The following DDX10 variants were observed in gnomAD, a reference collection of about 807,000 sequenced individuals.
The protein encoded by DDX10 is probable ATP-dependent RNA helicase DDX10.
Under a neutral mutation model 104.3 loss-of-function variants are expected in DDX10, and 74 were observed. That is an observed-to-expected ratio of 0.71 (90% CI 0.59 to 0.86). The LOEUF is 0.86. Ranked by LOEUF, DDX10 falls within the 40% of genes least tolerant of loss-of-function variation. DDX10 has a pLI of 0.00. For synonymous variants in DDX10, 351 were observed against 353.4 expected (o/e 0.99, Z 0.08); for missense variants, 952 against 1,040.0 (o/e 0.92, Z 1.16).
At chr11:108,737,852 C>G (rs2134491887) in intron 13 of DDX10, among the ~76,000 whole-genome samples, 1 of 152,202 alleles carries the variant, frequency 6.6e-6, no homozygotes, top group East Asian at 1.9e-4. Context: ...ATTAAAATGG[C>G]CTATTTCCTA....
chr11:108,845,659 T>C (rs1005129865), intron 15 of DDX10, among the ~76,000 whole-genome samples: 5 of 152,124 alleles, frequency 3.3e-5, no homozygotes, highest in Admixed American at 6.5e-5. Flanking sequence ...GAATTTTGCA[T>C]ATGAAAAAAA....
chr11:108,722,163 C>G (rs1468278077), intron 12 of DDX10, among the ~76,000 whole-genome samples: 1 of 152,184 alleles, frequency 6.6e-6, no homozygotes, highest in Non-Finnish European at 1.5e-5. Context: ...TGAACCCCAG[C>G]AGTCTTATTT....
At chr11:108,769,663 T>C (rs2726887) in intron 13 of DDX10, among the ~76,000 whole-genome samples, 133,949 of 152,062 alleles carry the variant, frequency 0.88, 59,363 homozygotes, top group East Asian at 0.99. Flanking sequence ...CATCCTTAGG[T>C]TGCTTCCCAC....
intron 12 of DDX10, among the ~76,000 whole-genome samples, 157 bp downstream of exon 12, chr11:108,720,042 A>G (rs1054714904): frequency 6.6e-6 from 1 of 152,220 alleles, no homozygotes; most frequent in Non-Finnish European, 1.5e-5. Flanking sequence ...TGTTAGGACT[A>G]CAGGCGTAAG....
rs573704676 is a variant in DDX10, at chr11:108,665,165, G to T, written c.12G>T (p.Thr4=). 5.0e-6 allele frequency: 8 copies of T among 1,608,628 alleles called. No individual in the cohort carries two copies. The Middle Eastern group carries it at 1.3e-3, about 267-fold the overall frequency. The change falls in exon 1 of 18, where the codon ACG becomes ACT. Residue 4 remains threonine, a synonymous_variant. Transcript: ENST00000322536. MGK[T]ANSPGSGARP... ...CCGCCGCCGCCGCAATGGGCAAAAC[G>T]GCCAACTCTCCGGGTTCGGGAGCCC...
chr11:108,677,044 T>A, intron 3 of DDX10, 41 bp from the exon 4 acceptor site: 2 of 1,570,728 alleles, frequency 1.3e-6, no homozygotes, highest in Non-Finnish European at 8.7e-7. Context: ...AAAAGCTGAC[T>A]TCTGATGACT....
chr11:108,729,913 G>A (rs973673410), intron 13 of DDX10: 3 of 152,724 alleles, frequency 2.0e-5, no homozygotes, highest in Non-Finnish European at 4.4e-5. Flanking sequence ...GTAAGCTGAT[G>A]AATCATTTTG....
chr11:108,702,916 T>G (rs1192180947), intron 9 of DDX10, among the ~76,000 whole-genome samples: 3 of 152,244 alleles, frequency 2.0e-5, no homozygotes, highest in East Asian at 3.8e-4. Flanking sequence ...GTTGCTTGCT[T>G]TTAAGATCTG....
chr11:108,751,185 G>T (rs58315190), intron 13 of DDX10, among the ~76,000 whole-genome samples: 1 of 151,680 alleles, frequency 6.6e-6, no homozygotes, highest in South Asian at 2.1e-4. Context: ...ATGCTCAGAA[G>T]AGTTTAACAT....
intron 13 of DDX10, among the ~76,000 whole-genome samples, chr11:108,819,624 A>C (rs1309880709): frequency 1.3e-5 from 2 of 151,676 alleles, no homozygotes; most frequent in Non-Finnish European, 2.9e-5. Context: ...TTTGAGACGG[A>C]GTCTTTCTCT....
chr11:108,678,896 T>A (rs1354571312), intron 5 of DDX10, among the ~76,000 whole-genome samples: 7 of 110,550 alleles, frequency 6.3e-5, no homozygotes, highest in East Asian at 2.9e-4. Flanking sequence ...TTTTTTTTTT[T>A]ATACAGAGTT....
rs777533142 is a variant in DDX10, at chr11:108,693,547, T to G, written c.1170T>G (p.Phe390Leu). Residue 390 changes from phenylalanine to leucine, a missense_variant, in exon 9 of 18, where the codon TTT (phenylalanine) becomes TTG (leucine). Around this residue, in one of 3 missense-constraint regions of DDX10, gnomAD observed 412 missense variants for 479.2 expected, o/e 0.86. Coordinates refer to ENST00000322536, the MANE Select transcript of DDX10 (RefSeq NM_004398.4). ...CGGCCGTGAATTGGGTTCTTCAGTT[T>G]GATTGTCCTGAGGATGCCAACACAT... ...DFPAVNWVLQFDCPEDANTYI... is the reference protein window; with the variant it reads ...DFPAVNWVLQLDCPEDANTYI... 4 of 1,614,184 alleles carry G rather than the reference T, an allele frequency of 2.5e-6. No individual in the cohort carries two copies. The highest frequency in any genetic ancestry group is 1.6e-4 in the Middle Eastern group (1 of 6,062).
chr11:108,823,770 C>T (rs1220167700), intron 13 of DDX10, among the ~76,000 whole-genome samples: 1 of 152,228 alleles, frequency 6.6e-6, no homozygotes, highest in Non-Finnish European at 1.5e-5. Context: ...TTAAGCCGCA[C>T]TAACCAGGCT....
chr11:108,665,436 A>T (rs2094208865), intron 1 of DDX10, 97 bp downstream of exon 1: 1 of 1,377,706 alleles, frequency 7.3e-7, no homozygotes, highest in African/African-American at 1.5e-5. Flanking sequence ...CGGATCTGTC[A>T]CCGGGACCCG....
intron 13 of DDX10, among the ~76,000 whole-genome samples, chr11:108,795,107 GTGTGAGCC>G (rs1217831698): frequency 7.9e-5 from 12 of 152,028 alleles, no homozygotes; most frequent in African/African-American, 2.9e-4. Context: ...GGATTTACAG[GTGTGAGCC>G]ACCACACCTG....
At chr11:108,884,850 T>G (rs1325872354) in intron 16 of DDX10, among the ~76,000 whole-genome samples, 1 of 152,242 alleles carries the variant, frequency 6.6e-6, no homozygotes. Flanking sequence ...GTCTTATGAA[T>G]GGAGCCCCAC....
chr11:108,917,952 T>G lies in DDX10; in HGVS notation c.2384T>G (p.Leu795Arg), dbSNP rs369757672. ...GATGATGGATTTGATCCAAGCACAC[T>G]CCCAGATCCAGATAAATACAGAAGC... ...DDDDGFDPSTLPDPDKYRSSE... is the reference protein window; with the variant it reads ...DDDDGFDPSTRPDPDKYRSSE... Residue 795 changes from leucine (L) to arginine (R), a missense_variant, in exon 17 of 18, where the codon CTC (leucine) becomes CGC (arginine). Physicochemically the swap from Leu to Arg is moderately radical, Grantham distance 102. Coordinates refer to ENST00000322536, the MANE Select transcript of DDX10 (RefSeq NM_004398.4). The G allele has an allele frequency of 1.2e-5, 19 of 1,613,402 alleles. No individual in the cohort carries two copies. In the African/African-American group the frequency reaches 2.4e-4, roughly 20 times the overall value.
At chr11:108,793,911 A>G (rs1482001748) in intron 13 of DDX10, among the ~76,000 whole-genome samples, 1 of 151,150 alleles carries the variant, frequency 6.6e-6, no homozygotes, top group East Asian at 1.9e-4. Flanking sequence ...CTCCCATGTG[A>G]GTGAGAACAT....
At chr11:108,697,002 G>A (rs1020000153) in intron 9 of DDX10, among the ~76,000 whole-genome samples, 3 of 152,108 alleles carry the variant, frequency 2.0e-5, no homozygotes, top group African/African-American at 7.2e-5. Flanking sequence ...ACATTAAATT[G>A]GGTCTTAATG....
Sources: allele counts gnomAD v4.1 joint callset (sites outside exome capture counted in the v4.1 genomes callset), GRCh38; gene constraint gnomAD v4.1.1; regional missense constraint gnomAD v4.1.1; transcripts MANE v1.5; gene names NCBI Gene and HGNC (gene_info 2026-07-23, HGNC 2026-07-21).